The following DENND5B variants were observed in gnomAD, a reference collection of about 807,000 sequenced individuals.
The protein encoded by DENND5B is DENN domain containing 5B.
Under a neutral mutation model 140.6 loss-of-function variants are expected in DENND5B, and 34 were observed. The ratio of observed to expected loss-of-function variants is 0.24; its 90% CI spans 0.18 to 0.32. DENND5B has a LOEUF of 0.32. Ranked by LOEUF, DENND5B falls within the 10% of genes least tolerant of loss-of-function variation. The pLI, the probability that DENND5B is intolerant of heterozygous loss-of-function variation, is 1.00. For missense variants in DENND5B, 1,142 were observed against 1,560.2 expected (o/e 0.73, Z 4.52); for synonymous variants, 551 against 562.1 (o/e 0.98, Z 0.28).
intron 1 of DENND5B, among the ~76,000 whole-genome samples, chr12:31,573,553 A>G (rs934410365): frequency 1.3e-5 from 2 of 152,238 alleles, no homozygotes; most frequent in Non-Finnish European, 2.9e-5. Flanking sequence ...CTAAATTTTT[A>G]CTCTTGCTTA....
intron 4 of DENND5B, among the ~76,000 whole-genome samples, chr12:31,457,428 C>T (rs1591826607): frequency 6.6e-6 from 1 of 152,140 alleles, no homozygotes; most frequent in African/African-American, 2.4e-5. Context: ...AATCATTTTG[C>T]AAATTTGTTA....
intron 1 of DENND5B, among the ~76,000 whole-genome samples, chr12:31,553,783 C>G (rs1389056720): frequency 1.3e-5 from 2 of 152,022 alleles, no homozygotes; most frequent in African/African-American, 4.8e-5. Flanking sequence ...ATAGTTAACT[C>G]TTCTTGTTGA....
In DENND5B at chr12:31,480,044, G is replaced by A; in HGVS notation, c.449C>T (p.Ser150Leu). ...CAATGAGTCCATACTGCAGGAAGAT[G>A]AAGCATACACACTGCTGTAATGCTC... ...NAEHYSSVYA[S>L]SSCSMDSLAS... Residue 150 changes from serine to leucine, a missense_variant, in exon 3 of 21, where the codon TCA (serine) becomes TTA (leucine). Ser to Leu is a moderately radical substitution (Grantham distance 145). Transcript: ENST00000389082. The A allele has an allele frequency of 6.2e-7, 1 of 1,613,948 alleles. No individual in the cohort carries two copies. Among genetic ancestry groups the A allele is most frequent in the Non-Finnish European group, 8.5e-7 (1 of 1,179,812 alleles).
chr12:31,513,492 A>C (rs904938142), intron 1 of DENND5B, among the ~76,000 whole-genome samples: 2 of 152,066 alleles, frequency 1.3e-5, no homozygotes, highest in African/African-American at 4.8e-5. Flanking sequence ...AATTTATCTG[A>C]TCATTTATTT....
At position 31,383,432 on chromosome 12, in the gene DENND5B, T is replaced by A. The variant is rs1186751062; in HGVS notation, c.*4171A>T. ...TGCCAAAAAAGGAAATATGAGCAGT[T>A]CAGTATTTCCCCCATATCATTCATA... On this transcript the variant is annotated 3_prime_UTR_variant, in exon 21 of 21. Transcript: ENST00000389082. The A allele has an allele frequency of 6.6e-6, 1 of 152,218 alleles. No homozygotes were observed. The highest frequency in any genetic ancestry group is 2.4e-5 in the African/African-American group (1 of 41,464). 9.4% of individuals were successfully genotyped at this position (152,218 alleles called of 1,614,324 possible).
In DENND5B at chr12:31,479,925, T is replaced by C. The variant is rs1487040756; in HGVS notation, c.568A>G (p.Lys190Glu). 1.9e-6 allele frequency: 3 copies of C among 1,613,912 alleles called. No individual in the cohort carries two copies. The highest frequency in any genetic ancestry group is 2.5e-6 in the Non-Finnish European group (3 of 1,179,870). The change falls in exon 3 of 21, where the codon AAA becomes GAA. Residue 190 changes from lysine (K) to glutamate (E), a missense_variant. Coordinates refer to ENST00000389082, the MANE Select transcript of DENND5B (RefSeq NM_144973.4). ...AACGGTGTGATCAAGCATATACTTTTTGAAACATACAGGGTGTCTCTGCTA... is the reference window on the plus strand; with the variant it reads ...AACGGTGTGATCAAGCATATACTTTCTGAAACATACAGGGTGTCTCTGCTA... ...DISRDTLYVSKSICLITPLPF... is the reference protein window; with the variant it reads ...DISRDTLYVSESICLITPLPF...
rs1027431705 is a variant in DENND5B at position 31,382,872 on chromosome 12, G to A, written c.*4731C>T. On this transcript the variant is annotated 3_prime_UTR_variant, in exon 21 of 21. Transcript: ENST00000389082. ...ATCAGCAACCTCTTCAAAAAGCTTA[G>A]AATTCAGTTGATTCAAGGGATTTAT... The A allele has an allele frequency of 6.6e-6, 1 of 152,032 alleles. No homozygotes were observed. The highest frequency in any genetic ancestry group is 1.5e-5 in the Non-Finnish European group (1 of 68,004). The allele number at this position is 152,032 out of a possible 1,614,324, so 9.4% of individuals were successfully genotyped here.
intron 1 of DENND5B, among the ~76,000 whole-genome samples, chr12:31,579,391 G>T (rs548312514): frequency 2.6e-5 from 4 of 152,186 alleles, no homozygotes; most frequent in Non-Finnish European, 5.9e-5. Context: ...GCCAGGCGCA[G>T]TGGCTCATGC....
intron 2 of DENND5B, among the ~76,000 whole-genome samples, chr12:31,483,794 G>C (rs1946176125): frequency 6.6e-6 from 1 of 151,082 alleles, no homozygotes; most frequent in African/African-American, 2.4e-5. Context: ...CTTATTACTT[G>C]CTGTTTATTT....
At position 31,475,345 on chromosome 12, in the gene DENND5B, C is replaced by G. The variant is rs566875223; in HGVS notation, c.904+4244G>C. ...TCTGTTGTTCTCGGCATACAGATTA[C>G]AAAAAAATAGAGTATAAAACCATAT... On this transcript the variant is annotated intron_variant, in intron 3 of 20. Coordinates refer to ENST00000389082, the MANE Select transcript of DENND5B (RefSeq NM_144973.4). 5.0e-5 allele frequency among the ~76,000 whole-genome samples: 5 copies of G among 99,642 alleles called. No individual in the cohort carries two copies. The East Asian group carries it at 3.2e-3, about 64-fold the overall frequency. The allele number at this position is 99,642 out of a possible 152,430, so 65.4% of individuals were successfully genotyped here. A position where few individuals can be genotyped will look rare whatever the true frequency, so the allele number is the denominator to read the frequency against.
At chr12:31,527,339 G>C (rs1484704563) in intron 1 of DENND5B, among the ~76,000 whole-genome samples, 1 of 152,194 alleles carries the variant, frequency 6.6e-6, no homozygotes, top group African/African-American at 2.4e-5. Context: ...GTCTGGAAAA[G>C]AGCAAGACAA....
At chr12:31,488,833 A>AC (rs1474939441) in intron 2 of DENND5B, among the ~76,000 whole-genome samples, 1 of 152,026 alleles carries the variant, frequency 6.6e-6, no homozygotes, top group Non-Finnish European at 1.5e-5. Context: ...TACTAACAAT[A>AC]CCCCCTCACC....
chr12:31,510,675 C>T (rs551296860), intron 1 of DENND5B, among the ~76,000 whole-genome samples: 1 of 152,300 alleles, frequency 6.6e-6, no homozygotes, highest in African/African-American at 2.4e-5. Context: ...CTAATTTCTT[C>T]TCTCTTCTGC....
chr12:31,393,569 TA>T (rs1941263200), intron 17 of DENND5B, among the ~76,000 whole-genome samples: 1 of 152,210 alleles, frequency 6.6e-6, no homozygotes, highest in South Asian at 2.1e-4. Flanking sequence ...ACAGAAAAGG[TA>T]TATAGTTCAG....
chr12:31,585,296 C>T (rs146632164), intron 1 of DENND5B, among the ~76,000 whole-genome samples: 1 of 152,272 alleles, frequency 6.6e-6, no homozygotes, highest in African/African-American at 2.4e-5. Flanking sequence ...CTGAGCTACC[C>T]GGGGCAGACC....
chr12:31,499,050 T>TGA (rs1345701325), intron 1 of DENND5B, among the ~76,000 whole-genome samples: 2 of 148,056 alleles, frequency 1.4e-5, no homozygotes, highest in Non-Finnish European at 3.0e-5. Flanking sequence ...AAGAAGAGAA[T>TGA]CTTGGTGATG....
At position 31,424,610 on chromosome 12, in the gene DENND5B, C is replaced by A. The variant is rs761150671; in HGVS notation, c.2316G>T (p.Leu772=). ...GGCTGGCGATCAAGGTGTTCTCCTC[C>A]AGGCCGGTGATGTTTGCTTCTCCAT... ...LGHGEANITG[L]EENTLIASLC... is the part of the protein sequence containing the mutation. Residue 772 remains leucine (L), a synonymous_variant, in exon 10 of 21, where the codon CTG becomes CTT. Transcript: ENST00000389082. The A allele has an allele frequency of 6.2e-7, 1 of 1,613,858 alleles. No individual in the cohort carries two copies. The highest frequency in any genetic ancestry group is 8.5e-7 in the Non-Finnish European group (1 of 1,179,896).
rs536536824 is a variant in DENND5B at position 31,434,637 on chromosome 12, C to T, written c.2013-1389G>A. Reference sequence around the variant, plus strand: ...TAGTGTGTAAGACTCAACCATCCAGCGATTATCCTTAATCACTCCTTTCTA... The same window carrying T: ...TAGTGTGTAAGACTCAACCATCCAGTGATTATCCTTAATCACTCCTTTCTA... On this transcript the variant is annotated intron_variant, in intron 7 of 20. Transcript: ENST00000389082. Among the ~76,000 whole-genome samples, 13 of 152,230 alleles carry T rather than the reference C, an allele frequency of 8.5e-5. No homozygotes were observed. The South Asian group carries it at 2.1e-3, about 24-fold the overall frequency.
At chr12:31,533,932 T>C (rs1466643944) in intron 1 of DENND5B, among the ~76,000 whole-genome samples, 2 of 151,902 alleles carry the variant, frequency 1.3e-5, no homozygotes, top group Non-Finnish European at 2.9e-5. Flanking sequence ...GTCACTAATA[T>C]GTTAGTTCTT....
Sources: gnomAD v4.1 joint callset for allele counts (sites outside exome capture counted in the v4.1 genomes callset) on GRCh38, gnomAD v4.1.1 for gene constraint, MANE v1.5 for transcripts, NCBI Gene and HGNC (gene_info 2026-07-23, HGNC 2026-07-21) for gene names.